Variants in ROBO2 observed in about 807,000 individuals in gnomAD.
ROBO2 encodes roundabout guidance receptor 2.
A neutral mutation model predicts 160.8 loss-of-function variants in ROBO2; 53 were observed. That is an observed-to-expected ratio of 0.33 (90% confidence interval 0.26 to 0.41). ROBO2 has a LOEUF of 0.41. Ranked by LOEUF, ROBO2 falls within the 10% of genes least tolerant of loss-of-function variation. ROBO2 has a pLI of 1.00. For missense variants in ROBO2, 1,577 were observed against 1,722.4 expected (o/e 0.92, Z 1.49); for synonymous variants, 664 against 611.7 (o/e 1.09, Z -1.26).
chr3:77,584,331 G>A (rs964198514), intron 16 of ROBO2, among the ~76,000 whole-genome samples: 4 of 152,054 alleles, frequency 2.6e-5, no homozygotes, highest in Non-Finnish European at 2.9e-5. Flanking sequence ...GTAAAGCGCC[G>A]TTCATTCAAT....
chr3:76,068,623 T>C (rs2068341561), intron 2 of ROBO2, among the ~76,000 whole-genome samples: 1 of 152,206 alleles, frequency 6.6e-6, no homozygotes, highest in Admixed American at 6.5e-5. Context: ...GCTACAATTA[T>C]TCTTATTTTA....
At chr3:77,070,113 A>G (rs535516410) in intron 1 of ROBO2, among the ~76,000 whole-genome samples, 32 of 152,150 alleles carry the variant, frequency 2.1e-4, no homozygotes, top group Non-Finnish European at 4.4e-4. Context: ...AATGCCACAG[A>G]TTGCCAGCAA....
intron 2 of ROBO2, among the ~76,000 whole-genome samples, chr3:77,100,818 TTTAA>T (rs1427133126): frequency 6.6e-6 from 1 of 152,158 alleles, no homozygotes. Flanking sequence ...AGGGAAGACA[TTTAA>T]TTCTTCCTAG....
intron 2 of ROBO2, among the ~76,000 whole-genome samples, chr3:76,689,423 T>A (rs1481797553): frequency 6.6e-6 from 1 of 152,098 alleles, no homozygotes; most frequent in Non-Finnish European, 1.5e-5. Context: ...ATCCACTTTA[T>A]TAATTCATTT....
intron 21 of ROBO2, among the ~76,000 whole-genome samples, chr3:77,611,115 G>T (rs1453422584): frequency 6.6e-6 from 1 of 151,918 alleles, no homozygotes; most frequent in Admixed American, 6.6e-5. Flanking sequence ...TGGCTAACAC[G>T]GTGAAACCCC....
intron 2 of ROBO2, among the ~76,000 whole-genome samples, chr3:76,733,189 G>A (rs774601): frequency 0.19 from 29,308 of 152,044 alleles, 2,897 homozygotes; most frequent in Non-Finnish European, 0.22. Context: ...TCTTCAGGCT[G>A]TGTCCCTGCC....
chr3:76,205,555 A>G (rs970717257), intron 2 of ROBO2, among the ~76,000 whole-genome samples: 13 of 152,136 alleles, frequency 8.5e-5, no homozygotes, highest in African/African-American at 3.1e-4. Context: ...CATGTCTTTC[A>G]TTATCTACTA....
In ROBO2 at chr3:76,873,313, ATTATT is replaced by A. The variant is rs2072321995; in HGVS notation, c.110-224693_110-224689del. ...ATTTAAAGACTTGTAAACCATAGGA[ATTATT>A]TTATTTTTAAATCTAGCATCCAGAA... On this transcript the variant is annotated intron_variant, in intron 2 of 26. Transcript: ENST00000487694. Among the ~76,000 whole-genome samples, 4 of 152,308 alleles carry A rather than the reference ATTATT, an allele frequency of 2.6e-5. No individual in the cohort carries two copies. In the South Asian group the frequency reaches 8.3e-4, roughly 32 times the overall value.
rs139177620 is a variant in ROBO2, at chr3:76,136,215, C to T, written c.109+198613C>T. Among the ~76,000 whole-genome samples, 595 of 152,206 alleles carry T rather than the reference C, an allele frequency of 3.9e-3. 3 individuals are homozygous for T. The highest frequency in any genetic ancestry group is 0.014 in the African/African-American group (573 of 41,550). ...TAATACTCGCTGATGGTTTACATAG[C>T]ATTCAAATACTAGCTTCTCAACCTC... On this transcript the variant is annotated intron_variant, in intron 2 of 26. Coordinates refer to the ROBO2 transcript ENST00000487694.
chr3:77,080,821 T>A (rs996231913), intron 1 of ROBO2, among the ~76,000 whole-genome samples: 2 of 152,188 alleles, frequency 1.3e-5, no homozygotes, highest in East Asian at 3.9e-4. Context: ...AATATATAGT[T>A]ATTTGGAAGC....
intron 2 of ROBO2, chr3:77,317,390 C>T: frequency 8.8e-7 from 1 of 1,138,826 alleles, no homozygotes; most frequent in South Asian, 1.3e-5. Context: ...GGTTCCATTT[C>T]TCCGTAGACC....
At chr3:76,949,560 C>T (rs2078833715) in intron 2 of ROBO2, among the ~76,000 whole-genome samples, 1 of 152,174 alleles carries the variant, frequency 6.6e-6, no homozygotes, top group Non-Finnish European at 1.5e-5. Context: ...GGCTTCTCCC[C>T]TGTTTCCGGT....
At chr3:76,637,230 A>G (rs2090391653) in intron 2 of ROBO2, among the ~76,000 whole-genome samples, 1 of 152,146 alleles carries the variant, frequency 6.6e-6, no homozygotes, top group East Asian at 1.9e-4. Flanking sequence ...GGCAACCAGC[A>G]GGAGAAAGTC....
intron 2 of ROBO2, among the ~76,000 whole-genome samples, chr3:76,851,740 T>TCAAA (rs2069396325): frequency 2.4e-5 from 1 of 42,188 alleles, no homozygotes; most frequent in Non-Finnish European, 3.7e-5. Context: ...AGACTCCGTC[T>TCAAA]CAAAAAAAAA....
intron 1 of ROBO2, among the ~76,000 whole-genome samples, chr3:77,045,431 A>C (rs2064549157): frequency 6.6e-6 from 1 of 152,186 alleles, no homozygotes; most frequent in African/African-American, 2.4e-5. Context: ...GGGATATAAG[A>C]TCCATCAGCA....
At chr3:76,082,870 A>AT (rs896702380) in intron 2 of ROBO2, among the ~76,000 whole-genome samples, 5 of 151,850 alleles carry the variant, frequency 3.3e-5, no homozygotes, top group African/African-American at 7.3e-5. Context: ...TAAATCAATG[A>AT]TTTTTTTTCA....
chr3:77,520,245 A>C (rs2090457819), intron 5 of ROBO2, among the ~76,000 whole-genome samples: 1 of 151,324 alleles, frequency 6.6e-6, no homozygotes, highest in Admixed American at 6.6e-5. Flanking sequence ...AAATTAAACT[A>C]TTTTCTTGCA....
At chr3:76,479,657 A>G (rs543274998) in intron 2 of ROBO2, among the ~76,000 whole-genome samples, 1 of 152,314 alleles carries the variant, frequency 6.6e-6, no homozygotes, top group Admixed American at 6.5e-5. Flanking sequence ...ACAACTGAGG[A>G]AAAATTTTGC....
At chr3:77,648,945 A>G (rs1259652965) in exon 26 of ROBO2, 2 of 152,194 alleles carry the variant, frequency 1.3e-5, no homozygotes, top group Non-Finnish European at 2.9e-5. Flanking sequence ...CAATGCAATC[A>G]TGTCCAATAC....
Sources: gnomAD v4.1 joint callset for allele counts (sites outside exome capture counted in the v4.1 genomes callset) on GRCh38, gnomAD v4.1.1 for gene constraint, MANE v1.5 for transcripts, NCBI Gene and HGNC (gene_info 2026-07-23, HGNC 2026-07-21) for gene names.